Variants in EYS observed in about 807,000 individuals in gnomAD.
EYS encodes EGF-like photoreceptor maintenance factor.
A neutral mutation model predicts 282.1 loss-of-function variants in EYS; 250 were observed. That is an observed-to-expected ratio of 0.89 (90% CI 0.80 to 0.98). EYS has a LOEUF of 0.98. EYS is among the 50% of genes least tolerant of loss of function. The pLI, the probability that EYS is intolerant of heterozygous loss-of-function variation, is 0.00. For missense variants in EYS, 4,016 were observed against 3,709.0 expected (o/e 1.08, Z -2.15); for synonymous variants, 1,355 against 1,282.9 (o/e 1.06, Z -1.20).
intron 35 of EYS, among the ~76,000 whole-genome samples, chr6:63,979,342 T>C (rs1448271038): frequency 6.6e-6 from 1 of 151,914 alleles, no homozygotes; most frequent in Non-Finnish European, 1.5e-5. Context: ...CCTTGGAACA[T>C]GGAGGATAGC....
intron 29 of EYS, among the ~76,000 whole-genome samples, chr6:64,348,868 A>T (rs1175136891): frequency 1.3e-5 from 2 of 151,404 alleles, no homozygotes; most frequent in African/African-American, 2.4e-5. Flanking sequence ...CCTTTTACCA[A>T]TAATGACATT....
intron 28 of EYS, among the ~76,000 whole-genome samples, chr6:64,420,883 A>T (rs796447839): frequency 5.9e-5 from 9 of 152,256 alleles, no homozygotes; most frequent in African/African-American, 1.4e-4. Flanking sequence ...ATTTTGGTCA[A>T]AGCTATTCAA....
At chr6:64,772,081 T>C (rs1773542161) in intron 22 of EYS, among the ~76,000 whole-genome samples, 1 of 151,770 alleles carries the variant, frequency 6.6e-6, no homozygotes, top group Admixed American at 6.6e-5. Context: ...TTTGGCATTT[T>C]CCTGTTATTT....
chr6:64,056,643 A>T (rs1004725566), intron 33 of EYS, among the ~76,000 whole-genome samples: 15 of 152,280 alleles, frequency 9.9e-5, no homozygotes, highest in African/African-American at 3.4e-4. Flanking sequence ...TTACCACGCA[A>T]ACAGGAGAAT....
chr6:65,051,125 C>T (rs1440962593), intron 13 of EYS, among the ~76,000 whole-genome samples: 1 of 151,490 alleles, frequency 6.6e-6, no homozygotes, highest in African/African-American at 2.4e-5. Context: ...TACTTACTTT[C>T]TTGAGAATCA....
At chr6:64,612,333 C>T (rs955126029) in intron 24 of EYS, among the ~76,000 whole-genome samples, 7 of 152,034 alleles carry the variant, frequency 4.6e-5, no homozygotes, top group African/African-American at 9.7e-5. Context: ...AGACACTCAT[C>T]GGTTAATGCA....
At chr6:65,674,946 T>A (rs907206781) in intron 1 of EYS, among the ~76,000 whole-genome samples, 4 of 49,754 alleles carry the variant, frequency 8.0e-5, no homozygotes. Flanking sequence ...TAAGAAAGTA[T>A]AATTGTGACA....
At chr6:64,056,484 T>A (rs1475550545) in intron 33 of EYS, among the ~76,000 whole-genome samples, 1 of 152,182 alleles carries the variant, frequency 6.6e-6, no homozygotes, top group Non-Finnish European at 1.5e-5. Flanking sequence ...TTCTAAGAAT[T>A]CTATATAATC....
At chr6:65,188,027 A>C (rs1412699004) in intron 12 of EYS, among the ~76,000 whole-genome samples, 4 of 151,690 alleles carry the variant, frequency 2.6e-5, no homozygotes, top group Non-Finnish European at 4.4e-5. Flanking sequence ...CTTTCATGTA[A>C]AATTATATTC....
chr6:65,463,962 C>T (rs1455252673), intron 5 of EYS, among the ~76,000 whole-genome samples: 1 of 152,008 alleles, frequency 6.6e-6, no homozygotes, highest in South Asian at 2.1e-4. Flanking sequence ...ATACTATATA[C>T]TTTTAATATA....
At chr6:64,816,055 C>A (rs1764734616) in intron 21 of EYS, among the ~76,000 whole-genome samples, 1 of 152,036 alleles carries the variant, frequency 6.6e-6, no homozygotes, top group Non-Finnish European at 1.5e-5. Context: ...CATAACATTT[C>A]TCTCATGGCA....
At position 64,730,638 on chromosome 6, in the gene EYS, C is replaced by A. The variant is rs762580732; in HGVS notation, c.3443+82740G>T. Among the ~76,000 whole-genome samples, 22 of 152,042 alleles carry A rather than the reference C, an allele frequency of 1.4e-4. 1 individual carries two copies. The highest frequency in any genetic ancestry group is 3.2e-3 in the Middle Eastern group (1 of 316). The stretch of plus-strand genomic sequence containing the variant: ...GACTACAGGCACGCACCACCATGCC[C>A]AGCTAATTTTTATATTTTTAGTAGA... On this transcript the variant is annotated intron_variant, in intron 22 of 42. Coordinates refer to ENST00000503581, the MANE Select transcript of EYS (RefSeq NM_001142800.2).
At chr6:65,598,744 A>G (rs914444523) in intron 2 of EYS, among the ~76,000 whole-genome samples, 2 of 152,230 alleles carry the variant, frequency 1.3e-5, no homozygotes, top group Admixed American at 1.3e-4. Flanking sequence ...CAAGAGAAAT[A>G]GTGTTATGGT....
chr6:63,728,735 C>T (rs1453603597), intron 41 of EYS, among the ~76,000 whole-genome samples: 1 of 152,130 alleles, frequency 6.6e-6, no homozygotes. Context: ...CTCCCTCCAC[C>T]CTGGCAACCA....
chr6:65,392,975 T>C (rs183529531), intron 7 of EYS, among the ~76,000 whole-genome samples: 86 of 152,292 alleles, frequency 5.6e-4, no homozygotes, highest in African/African-American at 1.9e-3. Flanking sequence ...ATATACACCA[T>C]GGAATACTAT....
chr6:64,069,496 GATA>G (rs1172564691), intron 32 of EYS, among the ~76,000 whole-genome samples: 1 of 147,684 alleles, frequency 6.8e-6, no homozygotes, highest in Non-Finnish European at 1.5e-5. Context: ...TGTATTTTAT[GATA>G]ATGACATTGT....
intron 7 of EYS, among the ~76,000 whole-genome samples, chr6:65,389,946 G>T (rs1216465741): frequency 6.6e-6 from 1 of 152,078 alleles, no homozygotes; most frequent in Non-Finnish European, 1.5e-5. Flanking sequence ...GGGGGTACTA[G>T]ACACAGGAAT....
chr6:64,310,443 G>C (rs971956778), intron 29 of EYS, among the ~76,000 whole-genome samples: 1 of 152,186 alleles, frequency 6.6e-6, no homozygotes, highest in African/African-American at 2.4e-5. Flanking sequence ...CATGGATGGA[G>C]CTGGAGGCCA....
intron 8 of EYS, among the ~76,000 whole-genome samples, chr6:65,359,140 A>G (rs1177181488): frequency 1.3e-4 from 20 of 152,092 alleles, no homozygotes; most frequent in Admixed American, 1.3e-3. Context: ...AATTAAGACA[A>G]AGATGAAATG....
Sources: allele counts gnomAD v4.1 joint callset (sites outside exome capture counted in the v4.1 genomes callset), GRCh38; gene constraint gnomAD v4.1.1; transcripts MANE v1.5; gene names NCBI Gene and HGNC (gene_info 2026-07-23, HGNC 2026-07-21).